Variants in NKX2-8 observed in about 807,000 individuals in gnomAD.
NKX2-8 encodes the protein NK2 homeobox 8.
In NKX2-8, 8 loss-of-function variants were observed where a neutral mutation model predicts 6.4. That is an observed-to-expected ratio of 1.24 (90% CI 0.73 to 2.24). The LOEUF is 2.24. Among genes scored for constraint, NKX2-8 ranks in the 30% most tolerant of loss-of-function variants. NKX2-8 has a pLI of 0.00. For missense variants in NKX2-8, 406 were observed against 351.1 expected (o/e 1.16, Z -1.25); for synonymous variants, 216 against 171.5 (o/e 1.26, Z -2.03).
At position 36,582,536 on chromosome 14, in the gene NKX2-8, A is replaced by T. The variant is rs1477142984; in HGVS notation, c.-147T>A. Reference sequence around the variant, plus strand: ...CATTTACAGCGGAATCTCTGTTTATATAAACAGCTCTTCCCACCCAGGCCG... The same window carrying T: ...CATTTACAGCGGAATCTCTGTTTATTTAAACAGCTCTTCCCACCCAGGCCG... On this transcript the variant is annotated 5_prime_UTR_variant, in exon 1 of 2. Coordinates refer to ENST00000258829, the MANE Select transcript of NKX2-8 (RefSeq NM_014360.4). The T allele has an allele frequency of 3.8e-6, 3 of 799,982 alleles. No individual in the cohort carries two copies. Among genetic ancestry groups the T allele is most frequent in the Non-Finnish European group, 5.6e-6 (3 of 534,372 alleles). 49.6% of individuals were successfully genotyped at this position (799,982 alleles called of 1,614,324 possible).
rs1288752356 is a variant in NKX2-8, at chr14:36,581,707, G to T, written c.158-243C>A. On this transcript the variant is annotated intron_variant, in intron 1 of 1. Coordinates refer to ENST00000258829, the MANE Select transcript of NKX2-8 (RefSeq NM_014360.4). The surrounding 1 kb of genome is among the most constrained non-coding windows in gnomAD (Gnocchi z 5.6). Reference sequence around the variant, plus strand: ...GTGCCCCGAAAAAACCCACCCCGGGGCCCTCTTAACATGTCCGCACCGGTA... The same window carrying T: ...GTGCCCCGAAAAAACCCACCCCGGGTCCCTCTTAACATGTCCGCACCGGTA... 6.6e-6 allele frequency among the ~76,000 whole-genome samples: 1 copy of T among 152,208 alleles called. No homozygotes were observed. Among genetic ancestry groups the T allele is most frequent in the African/African-American group, 2.4e-5 (1 of 41,464 alleles).
rs528392559 is a variant in NKX2-8 at position 36,580,732 on chromosome 14, G to T, written c.*170C>A. On this transcript the variant is annotated 3_prime_UTR_variant, in exon 2 of 2. Transcript: ENST00000258829. ...GAGGGGGCTCTGGCACACGTCCCTC[G>T]TGTGTGCTTGCGCGACGGCTGATGA... 17 of 414,882 alleles carry T rather than the reference G, an allele frequency of 4.1e-5. No individual in the cohort carries two copies. In the South Asian group the frequency reaches 1.3e-3, roughly 32 times the overall value. 25.7% of individuals were successfully genotyped at this position (414,882 alleles called of 1,614,324 possible). A position where few individuals can be genotyped will look rare whatever the true frequency, so the allele number is the denominator to read the frequency against.
rs1479568037 is a variant in NKX2-8 at position 36,580,595 on chromosome 14, C to A, written c.*307G>T. On this transcript the variant is annotated 3_prime_UTR_variant, in exon 2 of 2. Coordinates refer to ENST00000258829, the MANE Select transcript of NKX2-8 (RefSeq NM_014360.4). ...TTCTCGAACTACGAGGAAAAATACT[C>A]TATTTTTTAAAAAAATAACTTGCTT... is the stretch of plus-strand genomic sequence containing the variant. The A allele has an allele frequency of 7.0e-6, 2 of 284,938 alleles. No individual in the cohort carries two copies. The highest frequency in any genetic ancestry group is 6.5e-6 in the Non-Finnish European group (1 of 154,650). The allele number at this position is 284,938 out of a possible 1,614,324, so 17.7% of individuals were successfully genotyped here. A position where few individuals can be genotyped will look rare whatever the true frequency, so the allele number is the denominator to read the frequency against.
chr14:36,582,439 G>C lies in NKX2-8; in HGVS notation c.-50C>G. 3.5e-6 allele frequency: 5 copies of C among 1,424,036 alleles called. No individual in the cohort carries two copies. The highest frequency in any genetic ancestry group is 4.6e-6 in the Non-Finnish European group (5 of 1,080,910). The allele number at this position is 1,424,036 out of a possible 1,614,324, so 88.2% of individuals were successfully genotyped here. A position where few individuals can be genotyped will look rare whatever the true frequency, so the allele number is the denominator to read the frequency against. On this transcript the variant is annotated 5_prime_UTR_variant, in exon 1 of 2. Transcript: ENST00000258829. ...GGCAGGGCAGGCTGGGAACGGAGGG[G>C]CGGCCGGGACGCCGCTCCTACGGAT... is the stretch of plus-strand genomic sequence containing the variant.
In NKX2-8 at chr14:36,581,603, G is replaced by T. The variant is rs1879245568; in HGVS notation, c.158-139C>A. ...GACTTTCGGGATGAGGCCATTTCCT[G>T]AGTCCACATCTGGACATCCACCTCT... On this transcript the variant is annotated intron_variant, in intron 1 of 1. Coordinates refer to ENST00000258829, the MANE Select transcript of NKX2-8 (RefSeq NM_014360.4). This position sits in a 1 kb window ranked among gnomAD's most constrained non-coding sequence, Gnocchi z 5.6. 2.9e-6 allele frequency: 2 copies of T among 701,666 alleles called. No homozygotes were observed. Among genetic ancestry groups the T allele is most frequent in the Admixed American group, 6.2e-5 (2 of 32,096 alleles). 43.5% of individuals were successfully genotyped at this position (701,666 alleles called of 1,614,324 possible).
Position 36,580,143 on chromosome 14 carries a change from C to G in NKX2-8, c.*759G>C, listed in dbSNP as rs1425186574. On this transcript the variant is annotated 3_prime_UTR_variant, in exon 2 of 2. Coordinates refer to ENST00000258829, the MANE Select transcript of NKX2-8 (RefSeq NM_014360.4). The stretch of plus-strand genomic sequence containing the variant: ...GAAACAGCTTGCGGCCCGGCCTGGG[C>G]TGCTCCGGTGCAGCGCGCCCCGCAC... Among the ~76,000 whole-genome samples, 1 of 152,146 alleles carries G rather than the reference C, an allele frequency of 6.6e-6. No individual in the cohort carries two copies. Among genetic ancestry groups the G allele is most frequent in the Non-Finnish European group, 1.5e-5 (1 of 68,030 alleles).
Position 36,580,897 on chromosome 14 carries a change from C to A in NKX2-8, c.*5G>T. The A allele has an allele frequency of 7.7e-7, 1 of 1,303,846 alleles. No individual in the cohort carries two copies. The highest frequency in any genetic ancestry group is 9.7e-7 in the Non-Finnish European group (1 of 1,031,568). 80.8% of individuals were successfully genotyped at this position (1,303,846 alleles called of 1,614,324 possible). A position where few individuals can be genotyped will look rare whatever the true frequency, so the allele number is the denominator to read the frequency against. On this transcript the variant is annotated 3_prime_UTR_variant, in exon 2 of 2. Transcript: ENST00000258829. Reference sequence around the variant, plus strand: ...GAGGGTAGCCCCAGGTGCCGCCCTGCGGCCTCACCAGTTCCAGGAGACCAG... The same window carrying A: ...GAGGGTAGCCCCAGGTGCCGCCCTGAGGCCTCACCAGTTCCAGGAGACCAG...
In NKX2-8 at chr14:36,582,519, G is replaced by T; in HGVS notation, c.-130C>A. Reference sequence around the variant, plus strand: ...CAGCCGGGATATTAGCGCATTTACAGCGGAATCTCTGTTTATATAAACAGC... The same window carrying T: ...CAGCCGGGATATTAGCGCATTTACATCGGAATCTCTGTTTATATAAACAGC... On this transcript the variant is annotated 5_prime_UTR_variant, in exon 1 of 2. The change creates a new upstream start codon in the 5' untranslated region. Transcript: ENST00000258829. 1 of 925,598 alleles carries T rather than the reference G, an allele frequency of 1.1e-6. No individual in the cohort carries two copies. Among genetic ancestry groups the T allele is most frequent in the Non-Finnish European group, 1.6e-6 (1 of 639,748 alleles). The allele number at this position is 925,598 out of a possible 1,614,324, so 57.3% of individuals were successfully genotyped here.
chr14:36,582,168 C>T, intron 1 of NKX2-8, 65 bp downstream of exon 1: 2 of 1,504,868 alleles, frequency 1.3e-6, no homozygotes, highest in Non-Finnish European at 1.8e-6. Context: ...GTGGGCTGGG[C>T]CCTTGATTCT....
At position 36,581,460 on chromosome 14, in the gene NKX2-8, C is replaced by T. The variant is rs1237293553; in HGVS notation, c.162G>A (p.Ser54=). 9 of 1,557,912 alleles carry T rather than the reference C, an allele frequency of 5.8e-6. No homozygotes were observed. The highest frequency in any genetic ancestry group is 1.9e-5 in the Admixed American group (1 of 53,766). The change falls in exon 2 of 2, where the codon TCG becomes TCA. Residue 54 remains serine (S), a synonymous_variant. Transcript: ENST00000258829. The surrounding 1 kb of genome is among the most constrained non-coding windows in gnomAD (Gnocchi z 5.6). ...LDSERGHYPS[S]DESSLETSPP... Reference sequence around the variant, plus strand: ...GGCTGGTCTCCAGGCTGCTCTCGTCCGAGGCTAGGGACAGCAAAGGAGACA... The same window carrying T: ...GGCTGGTCTCCAGGCTGCTCTCGTCTGAGGCTAGGGACAGCAAAGGAGACA...
At position 36,582,223 on chromosome 14, in the gene NKX2-8, A is replaced by T; in HGVS notation, c.157+10T>A. The T allele has an allele frequency of 6.2e-7, 1 of 1,600,800 alleles. No individual in the cohort carries two copies. The highest frequency in any genetic ancestry group is 8.5e-7 in the Non-Finnish European group (1 of 1,172,890). On this transcript the variant is annotated intron_variant, in intron 1 of 1. Transcript: ENST00000258829. Reference sequence around the variant, plus strand: ...CTCCCACCCCGCACCGCAATCCACCACGCACTTACAAGGGTAGTGGCCGCG... The same window carrying T: ...CTCCCACCCCGCACCGCAATCCACCTCGCACTTACAAGGGTAGTGGCCGCG...
Position 36,582,526 on chromosome 14 carries a change from C to G in NKX2-8, c.-137G>C. 1 of 889,424 alleles carries G rather than the reference C, an allele frequency of 1.1e-6. No homozygotes were observed. The highest frequency in any genetic ancestry group is 1.6e-6 in the Non-Finnish European group (1 of 608,518). The allele number at this position is 889,424 out of a possible 1,614,324, so 55.1% of individuals were successfully genotyped here. ...GATATTAGCGCATTTACAGCGGAAT[C>G]TCTGTTTATATAAACAGCTCTTCCC... On this transcript the variant is annotated 5_prime_UTR_variant, in exon 1 of 2. Coordinates refer to ENST00000258829, the MANE Select transcript of NKX2-8 (RefSeq NM_014360.4).
In NKX2-8 at chr14:36,581,183, C is replaced by G. The variant is rs771656081; in HGVS notation, c.439G>C (p.Ala147Pro). ...YKLKRARAPG[A>P]AESPDLAASA... ...GCTGCCAGGTCAGGCGACTCCGCCGCCCCTGGAGCGCGAGCGCGCTTCAGC... is the reference window on the plus strand; with the variant it reads ...GCTGCCAGGTCAGGCGACTCCGCCGGCCCTGGAGCGCGAGCGCGCTTCAGC... The change falls in exon 2 of 2, where the codon GCG becomes CCG. Residue 147 changes from alanine (A) to proline (P), a missense_variant. Physicochemically the swap from Ala to Pro is conservative, Grantham distance 27 (BLOSUM62 -1). Transcript: ENST00000258829. The surrounding 1 kb of genome is among the most constrained non-coding windows in gnomAD (Gnocchi z 5.6). The G allele has an allele frequency of 3.7e-6, 6 of 1,603,426 alleles. No individual in the cohort carries two copies. In the South Asian group the frequency reaches 5.6e-5, roughly 15 times the overall value.
rs746089110 is a variant in NKX2-8, at chr14:36,582,411, G to A, written c.-22C>T. On this transcript the variant is annotated 5_prime_UTR_variant, in exon 1 of 2. Transcript: ENST00000258829. The stretch of plus-strand genomic sequence containing the variant: ...CCATGGCCGAGGAGGGGAAGGAGGC[G>A]GGGGCAGGGCAGGCTGGGAACGGAG... 1 of 1,484,226 alleles carries A rather than the reference G, an allele frequency of 6.7e-7. No individual in the cohort carries two copies. The allele number at this position is 1,484,226 out of a possible 1,614,324, so 91.9% of individuals were successfully genotyped here.
chr14:36,581,304 CT>C lies in NKX2-8; in HGVS notation c.317del (p.Gln106ArgfsTer34), dbSNP rs780601323. 1 of 1,593,256 alleles carries C rather than the reference CT, an allele frequency of 6.3e-7. No homozygotes were observed. Among genetic ancestry groups the C allele is most frequent in the Admixed American group, 1.8e-5 (1 of 56,612 alleles). On this transcript the variant is annotated frameshift_variant, in exon 2 of 2. Transcript: ENST00000258829. LOFTEE classifies it low-confidence loss of function (END_TRUNC). The surrounding 1 kb of genome is among the most constrained non-coding windows in gnomAD (Gnocchi z 5.6). ...TLELERRFRQ[Q>X]RYLSAPEREQ... ...CGCGCTCGGGCGCAGACAGGTACCGCTGCTGCCGGAAGCGCCGCTCCAACTC... is the reference window on the plus strand; with the variant it reads ...CGCGCTCGGGCGCAGACAGGTACCGCGCTGCCGGAAGCGCCGCTCCAACTC...
Position 36,581,338 on chromosome 14 carries a change from T to C in NKX2-8, c.284A>G (p.Gln95Arg), listed in dbSNP as rs1389901603. 1 of 1,574,220 alleles carries C rather than the reference T, an allele frequency of 6.4e-7. No individual in the cohort carries two copies. Among genetic ancestry groups the C allele is most frequent in the African/African-American group, 1.3e-5 (1 of 74,224 alleles). ...GAAGCGCCGCTCCAACTCCAGCGTC[T>C]GCGCCTTGGAGAATAGCACCCGCCG... is the stretch of plus-strand genomic sequence containing the variant. ...KKRRVLFSKA[Q>R]TLELERRFRQ... The change falls in exon 2 of 2, where the codon CAG (glutamine) becomes CGG (arginine). Residue 95 changes from glutamine to arginine, a missense_variant. Transcript: ENST00000258829. This position sits in a 1 kb window ranked among gnomAD's most constrained non-coding sequence, Gnocchi z 5.6.
chr14:36,580,586 A>G lies in NKX2-8; in HGVS notation c.*316T>C, dbSNP rs1879185358. 2.0e-5 allele frequency: 5 copies of G among 247,726 alleles called. No homozygotes were observed. The Admixed American group carries it at 2.2e-4, about 11-fold the overall frequency. The allele number at this position is 247,726 out of a possible 1,614,324, so 15.3% of individuals were successfully genotyped here. On this transcript the variant is annotated 3_prime_UTR_variant, in exon 2 of 2. Coordinates refer to ENST00000258829, the MANE Select transcript of NKX2-8 (RefSeq NM_014360.4). ...CACATTTTATTCTCGAACTACGAGG[A>G]AAAATACTCTATTTTTTAAAAAAAT...
In NKX2-8 at chr14:36,580,611, T is replaced by C; in HGVS notation, c.*291A>G. On this transcript the variant is annotated 3_prime_UTR_variant, in exon 2 of 2. Transcript: ENST00000258829. ...AAAAATACTCTATTTTTTAAAAAAATAACTTGCTTCCTATACAAATCGCTA... is the reference window on the plus strand; with the variant it reads ...AAAAATACTCTATTTTTTAAAAAAACAACTTGCTTCCTATACAAATCGCTA... 3.0e-6 allele frequency: 1 copy of C among 332,624 alleles called. No individual in the cohort carries two copies. Among genetic ancestry groups the C allele is most frequent in the Non-Finnish European group, 5.4e-6 (1 of 184,776 alleles). 20.6% of individuals were successfully genotyped at this position (332,624 alleles called of 1,614,324 possible). A position where few individuals can be genotyped will look rare whatever the true frequency, so the allele number is the denominator to read the frequency against.
Position 36,581,553 on chromosome 14 carries a change from C to A in NKX2-8, c.158-89G>T. ...TCTGGCGCGGGCGTGGAGGCACTGG[C>A]CAGAGGGCACGCCCACTAGCCCGAG... On this transcript the variant is annotated intron_variant, in intron 1 of 1. Transcript: ENST00000258829. This position sits in a 1 kb window ranked among gnomAD's most constrained non-coding sequence, Gnocchi z 5.6. The A allele has an allele frequency of 1.7e-6, 2 of 1,182,062 alleles. No individual in the cohort carries two copies. The highest frequency in any genetic ancestry group is 2.3e-6 in the Non-Finnish European group (2 of 857,152). 73.2% of individuals were successfully genotyped at this position (1,182,062 alleles called of 1,614,324 possible). A position where few individuals can be genotyped will look rare whatever the true frequency, so the allele number is the denominator to read the frequency against.
Sources: gnomAD v4.1 joint callset for allele counts (sites outside exome capture counted in the v4.1 genomes callset) on GRCh38, gnomAD v4.1.1 for gene constraint, Gnocchi (gnomAD v3.1) non-coding constraint, MANE v1.5 for transcripts, NCBI Gene and HGNC (gene_info 2026-07-23, HGNC 2026-07-21) for gene names.